ZNF829: variants seen among roughly 807,000 people sequenced by gnomAD.
The protein encoded by ZNF829 is zinc finger protein 829.
A neutral mutation model predicts 35.2 loss-of-function variants in ZNF829; 25 were observed. The ratio of observed to expected loss-of-function variants is 0.71; its 90% CI spans 0.52 to 0.99. The LOEUF is 0.99. Among genes scored for constraint, ZNF829 ranks in the 50% least tolerant of loss-of-function variants. The pLI, the probability that ZNF829 is intolerant of heterozygous loss-of-function variation, is 0.00. For synonymous variants in ZNF829, 136 were observed against 163.2 expected, an observed-to-expected ratio of 0.83 and a Z score of 1.27; for missense variants, 417 against 515.3, an observed-to-expected ratio of 0.81 and a Z score of 1.85.
At chr19:36,893,911 C>T (rs890784324) in intron 5 of ZNF829, among the ~76,000 whole-genome samples, 2 of 152,176 alleles carry the variant, frequency 1.3e-5, no homozygotes, top group African/African-American at 4.8e-5. Flanking sequence ...AAAATCTAAA[C>T]TCCTTGGTAA....
In ZNF829 at chr19:36,888,801, T is replaced by G. The variant is rs573240532; in HGVS notation, c.*2691A>C. Reference sequence around the variant, plus strand: ...ACCTCCACCTCCCACATTCAAGCAATTTGCTCTGTTGCCCAGGCTGGAGTG... The same window carrying G: ...ACCTCCACCTCCCACATTCAAGCAAGTTGCTCTGTTGCCCAGGCTGGAGTG... On this transcript the variant is annotated 3_prime_UTR_variant, in exon 6 of 6. Coordinates refer to ENST00000391711, the MANE Select transcript of ZNF829 (RefSeq NM_001037232.4). 1 of 152,142 alleles carries G rather than the reference T, an allele frequency of 6.6e-6. No individual in the cohort carries two copies. The highest frequency in any genetic ancestry group is 6.5e-5 in the Admixed American group (1 of 15,270). The allele number at this position is 152,142 out of a possible 1,614,324, so 9.4% of individuals were successfully genotyped here.
At chr19:36,904,549 G>A (rs1330443070) in intron 5 of ZNF829, among the ~76,000 whole-genome samples, 1 of 152,058 alleles carries the variant, frequency 6.6e-6, no homozygotes, top group Non-Finnish European at 1.5e-5. Context: ...ACGGGCGCCT[G>A]CCACTATGCC....
intron 5 of ZNF829, among the ~76,000 whole-genome samples, chr19:36,895,462 G>A (rs1280187898): frequency 6.6e-6 from 1 of 152,006 alleles, no homozygotes; most frequent in African/African-American, 2.4e-5. Context: ...AAAGAAAAAG[G>A]ATATAAAACA....
At chr19:36,915,318 C>A in intron 1 of ZNF829, 67 bp from the exon 2 acceptor site, 1 of 1,516,922 alleles carries the variant, frequency 6.6e-7, no homozygotes, top group Non-Finnish European at 8.8e-7. Flanking sequence ...CACAGAATGC[C>A]ACATACATTT....
In ZNF829 at chr19:36,892,047, G is replaced by C. The variant is rs2073059299; in HGVS notation, c.744C>G (p.Ala248=). 7 of 1,613,650 alleles carry C rather than the reference G, an allele frequency of 4.3e-6. 1 individual carries two copies. The African/African-American group carries it at 6.7e-5, about 15-fold the overall frequency. The change falls in exon 6 of 6, where the codon GCC becomes GCG. Residue 248 remains alanine, a synonymous_variant. Transcript: ENST00000391711. ...CATTAAGGTTTGAGCAATACTTAAA[G>C]GCTTTTCCACATTCCTTACATTCAT... ...KPYECKECGK[A]FKYCSNLNDH...
Position 36,891,544 on chromosome 19 carries a change from G to GC in ZNF829, c.1246dup (p.Ala416GlyfsTer4). 6.2e-7 allele frequency: 1 copy of GC among 1,606,032 alleles called. No individual in the cohort carries two copies. Among genetic ancestry groups the GC allele is most frequent in the Non-Finnish European group, 8.5e-7 (1 of 1,176,874 alleles). On this transcript the variant is annotated frameshift_variant, in exon 6 of 6. Coordinates refer to ENST00000391711, the MANE Select transcript of ZNF829 (RefSeq NM_001037232.4). LOFTEE classifies it high-confidence loss of function. ...AATGAGGTCAGAGCGACTACCAAAA[G>GC]CCTTTCCACATTCCTTACAGTCATA...
intron 5 of ZNF829, among the ~76,000 whole-genome samples, chr19:36,904,844 A>G (rs573437029): frequency 1.3e-5 from 2 of 152,320 alleles, no homozygotes; most frequent in East Asian, 3.9e-4. Context: ...AGGTTAAGGT[A>G]AGATTAAGAA....
At chr19:36,903,759 C>T (rs982177684) in intron 5 of ZNF829, among the ~76,000 whole-genome samples, 1 of 114,466 alleles carries the variant, frequency 8.7e-6, no homozygotes, top group African/African-American at 3.8e-5. Context: ...GGCATGGTGG[C>T]AGGTGCCTCT....
chr19:36,899,525 G>A (rs1171062708), intron 5 of ZNF829, among the ~76,000 whole-genome samples: 1 of 151,440 alleles, frequency 6.6e-6, no homozygotes, highest in Non-Finnish European at 1.5e-5. Context: ...TAAAACAATT[G>A]ATAAATATTC....
At chr19:36,902,400 A>G (rs1330344557) in intron 5 of ZNF829, among the ~76,000 whole-genome samples, 4 of 147,582 alleles carry the variant, frequency 2.7e-5, no homozygotes, top group African/African-American at 1.0e-4. Flanking sequence ...TTTGGGAGGC[A>G]AAGGCAGGCG....
intron 5 of ZNF829, chr19:36,901,932 C>G (rs369697141): frequency 1.3e-6 from 1 of 762,316 alleles, no homozygotes; most frequent in Non-Finnish European, 2.4e-6. Context: ...GATGTGCGCA[C>G]TGATACCAGG....
chr19:36,909,806 CAA>C (rs35064154), intron 3 of ZNF829, among the ~76,000 whole-genome samples: 28,259 of 133,854 alleles, frequency 0.21, 3,749 homozygotes, highest in African/African-American at 0.39. Flanking sequence ...GACTCTGTCT[CAA>C]AAAAAAAAAA....
chr19:36,909,738 C>T (rs1376305387), intron 3 of ZNF829, among the ~76,000 whole-genome samples: 9 of 150,240 alleles, frequency 6.0e-5, no homozygotes, highest in Admixed American at 2.0e-4. Context: ...ACCTGGGAGG[C>T]GGAGGTTGCA....
chr19:36,897,721 T>G (rs1376027738), intron 5 of ZNF829, among the ~76,000 whole-genome samples: 1 of 151,998 alleles, frequency 6.6e-6, no homozygotes, highest in Non-Finnish European at 1.5e-5. Context: ...GAGAAAGAAA[T>G]AAAAGGCATC....
At chr19:36,899,710 TAC>T (rs2073145258) in intron 5 of ZNF829, among the ~76,000 whole-genome samples, 2 of 150,300 alleles carry the variant, frequency 1.3e-5, no homozygotes, top group African/African-American at 4.9e-5. Flanking sequence ...CTCTATTGTA[TAC>T]TAGAAATTTG....
At chr19:36,898,805 G>A (rs1170892155) in intron 5 of ZNF829, among the ~76,000 whole-genome samples, 9 of 152,070 alleles carry the variant, frequency 5.9e-5, no homozygotes, top group Non-Finnish European at 1.2e-4. Flanking sequence ...TATCCATATA[G>A]TGAAGAATGA....
rs1331609410 is a variant in ZNF829, at chr19:36,892,088, T to C, written c.703A>G (p.Thr235Ala). Residue 235 changes from threonine (T) to alanine (A), a missense_variant, in exon 6 of 6, where the codon ACT (threonine) becomes GCT (alanine). Transcript: ENST00000391711. The stretch of plus-strand genomic sequence containing the variant: ...TTACATTCATAGGGTTTCTCACCAG[T>C]GTGAATCCTCTGATGTTGAGAAAAA... ...SYFSQHQRIH[T>A]GEKPYECKEC... The C allele has an allele frequency of 4.3e-6, 7 of 1,614,122 alleles. No homozygotes were observed. The highest frequency in any genetic ancestry group is 5.1e-6 in the Non-Finnish European group (6 of 1,180,014).
At position 36,915,150 on chromosome 19, in the gene ZNF829, C is replaced by T; in HGVS notation, c.18G>A (p.Leu6=). Residue 6 remains leucine, a synonymous_variant, in exon 2 of 6, where the codon CTG becomes CTA. Coordinates refer to ENST00000391711, the MANE Select transcript of ZNF829 (RefSeq NM_001037232.4). ...CCCACCACACATGAGGAATGGAGAT[C>T]AGAGGAGAATGGGGCATTCTGTCCA... MPHSP[L]ISIPHVWCHP... 1 of 1,614,092 alleles carries T rather than the reference C, an allele frequency of 6.2e-7. No individual in the cohort carries two copies. Among genetic ancestry groups the T allele is most frequent in the Non-Finnish European group, 8.5e-7 (1 of 1,180,012 alleles).
chr19:36,891,518 G>T lies in ZNF829; in HGVS notation c.1273C>A (p.Arg425Ser). The T allele has an allele frequency of 6.4e-7, 1 of 1,573,506 alleles. No individual in the cohort carries two copies. Among genetic ancestry groups the T allele is most frequent in the Non-Finnish European group, 8.6e-7 (1 of 1,163,826 alleles). ...KAFGSRSDLI[R>S]HEGIHTG ...CAACCAGTATGAATTCCCTCATGGCGAATGAGGTCAGAGCGACTACCAAAA... is the reference window on the plus strand; with the variant it reads ...CAACCAGTATGAATTCCCTCATGGCTAATGAGGTCAGAGCGACTACCAAAA... The change falls in exon 6 of 6, where the codon CGC (arginine) becomes AGC (serine). Residue 425 changes from arginine (R) to serine (S), a missense_variant. Coordinates refer to ENST00000391711, the MANE Select transcript of ZNF829 (RefSeq NM_001037232.4).
Sources: gnomAD v4.1 joint callset for allele counts (sites outside exome capture counted in the v4.1 genomes callset) on GRCh38, gnomAD v4.1.1 for gene constraint, MANE v1.5 for transcripts, NCBI Gene and HGNC (gene_info 2026-07-23, HGNC 2026-07-21) for gene names.